Variants in NOL4 observed in about 807,000 individuals in gnomAD.
NOL4 encodes the protein nucleolar protein 4.
A neutral mutation model predicts 75.9 loss-of-function variants in NOL4; 17 were observed. That is an observed-to-expected ratio of 0.22 (90% CI 0.15 to 0.34). The LOEUF is 0.34. Among genes scored for constraint, NOL4 ranks in the 10% least tolerant of loss-of-function variants. The probability of loss-of-function intolerance (pLI) is 1.00; values close to 1 mark genes in which losing one functional copy is unlikely to be tolerated. For synonymous variants in NOL4, 292 were observed against 289.9 expected, an observed-to-expected ratio of 1.01 and a Z score of -0.07; for missense variants, 614 against 793.5, an observed-to-expected ratio of 0.77 and a Z score of 2.72.
chr18:33,934,827 C>CT (rs2145459287), intron 9 of NOL4, among the ~76,000 whole-genome samples: 2 of 142,114 alleles, frequency 1.4e-5, no homozygotes, highest in South Asian at 4.5e-4. Flanking sequence ...GGCCGTTTTG[C>CT]TTTTTTATCA....
At chr18:34,170,191 T>TA (rs900390153) in intron 1 of NOL4, among the ~76,000 whole-genome samples, 3 of 151,950 alleles carry the variant, frequency 2.0e-5, no homozygotes, top group African/African-American at 7.3e-5. Flanking sequence ...TTTTTTTTTT[T>TA]TTTGAGACGA....
At chr18:33,914,392 A>G (rs2066590842) in intron 9 of NOL4, among the ~76,000 whole-genome samples, 1 of 152,116 alleles carries the variant, frequency 6.6e-6, no homozygotes, top group Non-Finnish European at 1.5e-5. Flanking sequence ...CACAAAGTCT[A>G]AGTGCAGCCT....
intron 5 of NOL4, among the ~76,000 whole-genome samples, chr18:34,086,248 C>T (rs532009804): frequency 1.3e-5 from 2 of 152,070 alleles, no homozygotes; most frequent in South Asian, 2.1e-4. Flanking sequence ...CTATTAGGAA[C>T]GAATTCAATT....
At chr18:33,932,049 T>C (rs2067726741) in intron 9 of NOL4, among the ~76,000 whole-genome samples, 1 of 152,082 alleles carries the variant, frequency 6.6e-6, no homozygotes, top group South Asian at 2.1e-4. Flanking sequence ...AGAGGACACT[T>C]TAGCTCTTGC....
intron 6 of NOL4, among the ~76,000 whole-genome samples, chr18:33,980,600 G>A (rs1009873364): frequency 6.6e-6 from 1 of 151,738 alleles, no homozygotes; most frequent in African/African-American, 2.4e-5. Flanking sequence ...AAGAAGAGTG[G>A]AAAGACAATA....
At chr18:34,152,394 A>C (rs374614640) in intron 1 of NOL4, among the ~76,000 whole-genome samples, 30 of 151,846 alleles carry the variant, frequency 2.0e-4, no homozygotes, top group African/African-American at 7.2e-4. Flanking sequence ...TCTTAGGTTT[A>C]TTTGGCTCTT....
intron 9 of NOL4, among the ~76,000 whole-genome samples, chr18:33,931,660 A>G (rs917256946): frequency 1.3e-5 from 2 of 151,990 alleles, no homozygotes; most frequent in East Asian, 3.9e-4. Context: ...CTTGTGCCCA[A>G]GAGTATGAGG....
At chr18:34,092,450 C>T (rs189775608) in intron 5 of NOL4, among the ~76,000 whole-genome samples, 1 of 152,184 alleles carries the variant, frequency 6.6e-6, no homozygotes, top group East Asian at 1.9e-4. Context: ...AAAAGAAAAG[C>T]CCCTCTGTTC....
At chr18:34,008,857 C>T (rs1421876985) in intron 6 of NOL4, among the ~76,000 whole-genome samples, 1 of 151,946 alleles carries the variant, frequency 6.6e-6, no homozygotes, top group Non-Finnish European at 1.5e-5. Flanking sequence ...AGCCAAATGG[C>T]AATGAGAAGA....
intron 5 of NOL4, among the ~76,000 whole-genome samples, chr18:34,074,874 T>C (rs1289010357): frequency 6.6e-6 from 1 of 152,184 alleles, no homozygotes; most frequent in Non-Finnish European, 1.5e-5. Context: ...TGTAATTGGC[T>C]TACTCATTAA....
intron 9 of NOL4, among the ~76,000 whole-genome samples, chr18:33,935,061 C>T (rs1175369403): frequency 6.6e-6 from 1 of 151,938 alleles, no homozygotes; most frequent in Non-Finnish European, 1.5e-5. Flanking sequence ...ATGGGGGTCT[C>T]ACTATGTTCG....
chr18:34,017,262 C>A (rs1033608019), intron 6 of NOL4, among the ~76,000 whole-genome samples: 6 of 152,044 alleles, frequency 3.9e-5, no homozygotes, highest in African/African-American at 1.4e-4. Flanking sequence ...TATCCTCTTT[C>A]TCAAAATTAA....
chr18:33,982,144 AG>A (rs1351963486), intron 6 of NOL4, among the ~76,000 whole-genome samples: 1 of 152,130 alleles, frequency 6.6e-6, no homozygotes, highest in Non-Finnish European at 1.5e-5. Context: ...AGACAAAAAC[AG>A]GAACAAAGAA....
intron 5 of NOL4, among the ~76,000 whole-genome samples, chr18:34,064,763 T>A (rs2077199101): frequency 6.6e-6 from 1 of 151,948 alleles, no homozygotes; most frequent in Non-Finnish European, 1.5e-5. Context: ...TTTGTCTTTA[T>A]GTATGATTAG....
At position 34,198,650 on chromosome 18, in the gene NOL4, A is replaced by T. The variant is rs184051363; in HGVS notation, c.264+24340T>A. ...TCTTGGGAACAATGTGGATGCTGTC[A>T]TTGCTAGGTACAGGTAAAATACCTG... On this transcript the variant is annotated intron_variant, in intron 1 of 10. Coordinates refer to ENST00000261592, the MANE Select transcript of NOL4 (RefSeq NM_003787.5). Among the ~76,000 whole-genome samples the T allele has an allele frequency of 1.4e-4, 22 of 151,988 alleles. No homozygotes were observed. In the East Asian group the frequency reaches 3.5e-3, roughly 24 times the overall value.
intron 1 of NOL4, among the ~76,000 whole-genome samples, chr18:34,165,756 C>G (rs1323518456): frequency 1.3e-5 from 2 of 151,948 alleles, no homozygotes; most frequent in African/African-American, 4.8e-5. Flanking sequence ...GTAGACATCT[C>G]TAGATAATCA....
chr18:34,054,637 T>A (rs1328508458), intron 5 of NOL4, among the ~76,000 whole-genome samples: 1 of 151,944 alleles, frequency 6.6e-6, no homozygotes, highest in Non-Finnish European at 1.5e-5. Context: ...TAGTTTGATC[T>A]TGATTTTTTA....
intron 1 of NOL4, among the ~76,000 whole-genome samples, chr18:34,133,960 T>C (rs537597086): frequency 1.6e-4 from 24 of 152,216 alleles, no homozygotes; most frequent in Admixed American, 1.4e-3. Context: ...GAGGTGTAGG[T>C]TGCAATGAGC....
intron 1 of NOL4, among the ~76,000 whole-genome samples, chr18:34,167,997 CATTT>C (rs888669772): frequency 1.3e-5 from 2 of 151,860 alleles, no homozygotes; most frequent in Non-Finnish European, 2.9e-5. Flanking sequence ...CTGCATTTTA[CATTT>C]TTTTCTGTTT....
Sources: gnomAD v4.1 joint callset for allele counts (sites outside exome capture counted in the v4.1 genomes callset) on GRCh38, gnomAD v4.1.1 for gene constraint, MANE v1.5 for transcripts, NCBI Gene and HGNC (gene_info 2026-07-23, HGNC 2026-07-21) for gene names.